Variants in C12orf42 observed in about 807,000 individuals in gnomAD.
The protein encoded by C12orf42 is uncharacterized protein C12orf42.
In C12orf42, 25 loss-of-function variants were observed where a neutral mutation model predicts 21.6. The observed-to-expected ratio is 1.16, with a 90% confidence interval of 0.84 to 1.62. The LOEUF (loss-of-function observed/expected upper bound fraction) is 1.62. Among genes scored for constraint, C12orf42 ranks in the 40% most tolerant of loss-of-function variants. The probability of loss-of-function intolerance (pLI) is 0.00; values close to 1 mark genes in which losing one functional copy is unlikely to be tolerated. For missense variants in C12orf42, 483 were observed against 459.3 expected, an observed-to-expected ratio of 1.05 and a Z score of -0.47; for synonymous variants, 174 against 175.0, an observed-to-expected ratio of 0.99 and a Z score of 0.05.
chr12:103,365,408 C>A (rs2044510429), intron 4 of C12orf42, among the ~76,000 whole-genome samples: 2 of 152,166 alleles, frequency 1.3e-5, no homozygotes, highest in South Asian at 4.1e-4. Flanking sequence ...CCTCTGAGAA[C>A]TGGAACAAGA....
chr12:103,539,838 C>T, the C12orf42 span, among the ~76,000 whole-genome samples: 1 of 152,032 alleles, frequency 6.6e-6, no homozygotes, highest in East Asian at 1.9e-4. Context: ...CTTGGCTTCC[C>T]AAAGTGCAGG....
intron 4 of C12orf42, among the ~76,000 whole-genome samples, chr12:103,357,578 C>G (rs759102434): frequency 5.9e-5 from 9 of 152,014 alleles, no homozygotes; most frequent in Non-Finnish European, 1.3e-4. Flanking sequence ...TGCCATCATA[C>G]TGGGCCTGGC....
downstream of C12orf42, among the ~76,000 whole-genome samples, chr12:103,301,192 T>A (rs75011569): frequency 8.3e-3 from 1,265 of 151,832 alleles, 16 homozygotes; most frequent in African/African-American, 0.022. Flanking sequence ...GAAAAAAAAA[T>A]TTTTTTTAAA....
At chr12:103,344,176 G>A (rs1401335722) in intron 4 of C12orf42, among the ~76,000 whole-genome samples, 1 of 152,156 alleles carries the variant, frequency 6.6e-6, no homozygotes, top group Non-Finnish European at 1.5e-5. Flanking sequence ...ACAATAAAGA[G>A]GGATGGCAGG....
rs1339821197 is a variant in C12orf42 at position 103,294,628 on chromosome 12, GA to G, written n.338-17419del. ...AGAAAGAAAGAAAGAAAGAAAGAAA[GA>G]AAGAAAGAAGGAAAAGAAAGAGAAA... On this transcript the variant is annotated intron_variant and non_coding_transcript_variant, in intron 4 of 6. Transcript: ENST00000546526. Among the ~76,000 whole-genome samples the G allele has an allele frequency of 1.8e-3, 263 of 146,704 alleles. 6 individuals are homozygous for G. The highest frequency in any genetic ancestry group is 0.018 in the Admixed American group (256 of 14,566).
rs1286151890 is a variant in C12orf42 at position 103,399,169 on chromosome 12, AAT to A, written c.147+2436_147+2437del. Among the ~76,000 whole-genome samples, 4 of 151,962 alleles carry A rather than the reference AAT, an allele frequency of 2.6e-5. No individual in the cohort carries two copies. In the East Asian group the frequency reaches 7.7e-4, roughly 29 times the overall value. ...TTATATATTTTAATAATTTGGAGAT[AAT>A]TTTAGAATTTCCAGGTAGATAATCA... On this transcript the variant is annotated intron_variant, in intron 3 of 5. Coordinates refer to ENST00000548883, the MANE Select transcript of C12orf42 (RefSeq NM_198521.5).
At chr12:103,222,351 C>T in the C12orf42 span, among the ~76,000 whole-genome samples, 3 of 152,012 alleles carry the variant, frequency 2.0e-5, no homozygotes, top group Admixed American at 1.3e-4. Context: ...GCTTTTTGAG[C>T]CAGGATGACC....
the C12orf42 span, among the ~76,000 whole-genome samples, chr12:103,539,906 ACTTT>A: frequency 6.6e-6 from 1 of 152,038 alleles, no homozygotes; most frequent in Non-Finnish European, 1.5e-5. Flanking sequence ...ATTTTTCTTA[ACTTT>A]AATAAAAAGG....
the C12orf42 span, chr12:103,156,317 T>C: frequency 5.9e-5 from 9 of 152,072 alleles, no homozygotes; most frequent in African/African-American, 2.2e-4. Flanking sequence ...AAGATGGTGG[T>C]TGCATTTGGG....
At chr12:103,200,895 A>G in the C12orf42 span, among the ~76,000 whole-genome samples, 1 of 152,236 alleles carries the variant, frequency 6.6e-6, no homozygotes, top group Admixed American at 6.5e-5. Flanking sequence ...CATTTTTGCC[A>G]ATGAGAAATA....
At position 103,258,589 on chromosome 12, in the gene C12orf42, T is replaced by C. The variant is rs1418864732; in HGVS notation, c.*1366+4737A>G. ...AGAATAAAATATTATAATTCAGATATGATAGTCCAAGAGACTATACAAACC... is the reference window on the plus strand; with the variant it reads ...AGAATAAAATATTATAATTCAGATACGATAGTCCAAGAGACTATACAAACC... On this transcript the variant is annotated intron_variant and NMD_transcript_variant, in intron 10 of 10. Coordinates refer to the C12orf42 transcript ENST00000547347. 2.6e-5 allele frequency among the ~76,000 whole-genome samples: 4 copies of C among 151,998 alleles called. No homozygotes were observed. The East Asian group carries it at 5.8e-4, about 22-fold the overall frequency.
intron 4 of C12orf42, among the ~76,000 whole-genome samples, chr12:103,344,943 A>C (rs2042485301): frequency 6.6e-6 from 1 of 152,218 alleles, no homozygotes; most frequent in African/African-American, 2.4e-5. Flanking sequence ...TGGGTGAATC[A>C]TTTAACTTCA....
chr12:103,085,813 C>T, the C12orf42 span, among the ~76,000 whole-genome samples: 1 of 152,146 alleles, frequency 6.6e-6, no homozygotes, highest in African/African-American at 2.4e-5. Context: ...ATTTGTAAAA[C>T]TTTGGGTAAT....
chr12:103,125,481 C>G, the C12orf42 span, among the ~76,000 whole-genome samples: 1 of 152,090 alleles, frequency 6.6e-6, no homozygotes, highest in African/African-American at 2.4e-5. Flanking sequence ...TAGAGAAGAT[C>G]AACACCCAGA....
chr12:103,500,709 C>T (rs914416424), upstream of C12orf42, among the ~76,000 whole-genome samples: 4 of 152,128 alleles, frequency 2.6e-5, no homozygotes, highest in Admixed American at 6.5e-5. Flanking sequence ...GCACAATTGC[C>T]GCCAATAATA....
the C12orf42 span, among the ~76,000 whole-genome samples, chr12:103,555,856 C>T: frequency 6.6e-6 from 1 of 152,060 alleles, no homozygotes; most frequent in Non-Finnish European, 1.5e-5. Flanking sequence ...CTCCTGCCCT[C>T]TACCTCACCC....
the C12orf42 span, among the ~76,000 whole-genome samples, chr12:103,555,534 A>C: frequency 1.3e-5 from 2 of 152,086 alleles, no homozygotes; most frequent in African/African-American, 4.8e-5. Context: ...TGACATTTTC[A>C]CCAAGCCCCC....
intron 4 of C12orf42, among the ~76,000 whole-genome samples, chr12:103,349,957 T>C (rs2042968676): frequency 1.3e-5 from 2 of 152,172 alleles, no homozygotes; most frequent in Admixed American, 1.3e-4. Flanking sequence ...AATATACTTT[T>C]TCATGAATTT....
chr12:103,338,113 C>T (rs562262232), intron 4 of C12orf42, among the ~76,000 whole-genome samples: 1 of 152,292 alleles, frequency 6.6e-6, no homozygotes, highest in East Asian at 1.9e-4. Flanking sequence ...CAGCCACTAG[C>T]CGGAGGTAGC....
Sources: gnomAD v4.1 joint callset for allele counts (sites outside exome capture counted in the v4.1 genomes callset) on GRCh38, gnomAD v4.1.1 for gene constraint, MANE v1.5 for transcripts, NCBI Gene and HGNC (gene_info 2026-07-23, HGNC 2026-07-21) for gene names.